The following LDB3 variants were observed in gnomAD, a reference collection of about 807,000 sequenced individuals.
LDB3 encodes LIM domain binding 3.
A neutral mutation model predicts 69.0 loss-of-function variants in LDB3; 49 were observed. The ratio of observed to expected loss-of-function variants is 0.71; its 90% CI spans 0.56 to 0.90. The LOEUF (loss-of-function observed/expected upper bound fraction) is 0.90. Among genes scored for constraint, LDB3 ranks in the 40% least tolerant of loss-of-function variants. The probability of loss-of-function intolerance (pLI) is 0.00; values close to 1 mark genes in which losing one functional copy is unlikely to be tolerated. For synonymous variants in LDB3, 387 were observed against 396.2 expected (o/e 0.98, Z 0.28); for missense variants, 928 against 974.1 (o/e 0.95, Z 0.63).
chr10:86,722,306 G>C (rs751284578), intron 12 of LDB3, among the ~76,000 whole-genome samples: 6 of 152,334 alleles, frequency 3.9e-5, no homozygotes, highest in Non-Finnish European at 1.5e-5. Context: ...TGTTGCCCAG[G>C]CTGGAGTGCA....
At position 86,699,205 on chromosome 10, in the gene LDB3, CCT is replaced by C. The variant is rs1846142746; in HGVS notation, c.896+6639_896+6640del. On this transcript the variant is annotated intron_variant, in intron 7 of 13. Transcript: ENST00000361373. The surrounding 1 kb of genome is among the most constrained non-coding windows in gnomAD (Gnocchi z 4.9). ...ACATTCCCTAACCCCTTTCATTCTC[CCT>C]CTCTTCTCTCTCTTTCTGTCTCTGT... 1.3e-6 allele frequency: 2 copies of C among 1,572,976 alleles called. No individual in the cohort carries two copies. Among genetic ancestry groups the C allele is most frequent in the South Asian group, 1.1e-5 (1 of 89,976 alleles).
chr10:86,692,176 G>T (rs1395833643), intron 6 of LDB3, 111 bp downstream of exon 6: 1 of 1,289,562 alleles, frequency 7.8e-7, no homozygotes, highest in African/African-American at 1.5e-5. Flanking sequence ...GCCCTTGAAG[G>T]TGGGCCAGGC....
chr10:86,684,415 G>C (rs1845344605), intron 5 of LDB3, among the ~76,000 whole-genome samples: 1 of 152,260 alleles, frequency 6.6e-6, no homozygotes, highest in Admixed American at 6.5e-5. Flanking sequence ...ACCCCGCCAG[G>C]CCAACACTGC....
intron 7 of LDB3, among the ~76,000 whole-genome samples, chr10:86,693,113 G>A (rs1324877256): frequency 6.6e-6 from 1 of 152,182 alleles, no homozygotes; most frequent in East Asian, 1.9e-4. Context: ...CTGGACATGA[G>A]GATGGGTTTG....
chr10:86,698,743 G>A (rs184484169), intron 7 of LDB3, among the ~76,000 whole-genome samples: 52 of 152,310 alleles, frequency 3.4e-4, no homozygotes, highest in Non-Finnish European at 5.7e-4. Flanking sequence ...TCTGGGGACA[G>A]TGAGGCTTTT....
intron 9 of LDB3, among the ~76,000 whole-genome samples, chr10:86,711,268 G>C (rs893911188): frequency 6.6e-6 from 1 of 152,164 alleles, no homozygotes; most frequent in Non-Finnish European, 1.5e-5. Flanking sequence ...CCCGCCAGGC[G>C]GCGTCAGGGC....
chr10:86,717,005 G>A (rs1202379837), intron 10 of LDB3, among the ~76,000 whole-genome samples: 2 of 152,230 alleles, frequency 1.3e-5, no homozygotes, highest in African/African-American at 2.4e-5. Flanking sequence ...GTATGTGGGT[G>A]AAGCTCCAGC....
At chr10:86,686,969 C>T in intron 5 of LDB3, 1 of 1,060,296 alleles carries the variant, frequency 9.4e-7, no homozygotes, top group Non-Finnish European at 1.5e-6. Flanking sequence ...TCTCTCGACA[C>T]CCACCGCGCC....
chr10:86,718,343 T>A (rs1481978904), intron 11 of LDB3, among the ~76,000 whole-genome samples, 199 bp downstream of exon 11: 1 of 152,234 alleles, frequency 6.6e-6, no homozygotes, highest in African/African-American at 2.4e-5. Flanking sequence ...GTGTGCCTGT[T>A]CCACACAGCT....
intron 7 of LDB3, among the ~76,000 whole-genome samples, chr10:86,697,798 C>A (rs1221238652): frequency 6.6e-6 from 1 of 151,276 alleles, no homozygotes; most frequent in Non-Finnish European, 1.5e-5. Context: ...GTGATCTGCC[C>A]ACCTCAGCCT....
Position 86,699,919 on chromosome 10 carries a change from A to C in LDB3, c.897-6612A>C. On this transcript the variant is annotated intron_variant, in intron 7 of 13. Coordinates refer to ENST00000361373, the MANE Select transcript of LDB3 (RefSeq NM_007078.3). This position sits in a 1 kb window ranked among gnomAD's most constrained non-coding sequence, Gnocchi z 4.9. ...GAAGCCCCAGGGTAATGAGGCAGAG[A>C]CCCCTCCTGGCAGTGGTGAGGTGGG... 1.0e-6 allele frequency: 1 copy of C among 1,001,596 alleles called. No individual in the cohort carries two copies. Among genetic ancestry groups the C allele is most frequent in the East Asian group, 9.9e-5 (1 of 10,102 alleles). The allele number at this position is 1,001,596 out of a possible 1,614,324, so 62.0% of individuals were successfully genotyped here.
chr10:86,692,375 T>C (rs1171018417), intron 6 of LDB3, among the ~76,000 whole-genome samples, 160 bp from the exon 7 acceptor site: 1 of 150,478 alleles, frequency 6.6e-6, no homozygotes, highest in Non-Finnish European at 1.5e-5. Context: ...TCTTTCCCAA[T>C]GTCCTCTGGG....
intron 2 of LDB3, among the ~76,000 whole-genome samples, chr10:86,675,008 G>A (rs1844709014): frequency 6.6e-6 from 1 of 152,156 alleles, no homozygotes; most frequent in Non-Finnish European, 1.5e-5. Flanking sequence ...CCCACCCTGA[G>A]GGATGTTGGA....
Position 86,696,707 on chromosome 10 carries a change from A to C in LDB3, c.896+4136A>C, listed in dbSNP as rs1290717543. 1.3e-4 allele frequency among the ~76,000 whole-genome samples: 20 copies of C among 152,234 alleles called. No individual in the cohort carries two copies. The East Asian group carries it at 3.7e-3, about 28-fold the overall frequency. On this transcript the variant is annotated intron_variant, in intron 7 of 13. Transcript: ENST00000361373. The stretch of plus-strand genomic sequence containing the variant: ...CTGTGTCCTCGGTAGTGTCTACGGG[A>C]TGGTCAGGACTGTTTGTAGTGCTGT...
intron 9 of LDB3, among the ~76,000 whole-genome samples, chr10:86,714,135 T>A (rs560568866): frequency 5.3e-5 from 8 of 152,266 alleles, no homozygotes; most frequent in Non-Finnish European, 1.2e-4. Flanking sequence ...ATAATAACCT[T>A]GTGAGATACT....
At chr10:86,716,832 C>T in intron 10 of LDB3, 61 bp downstream of exon 10, 1 of 1,521,464 alleles carries the variant, frequency 6.6e-7, no homozygotes, top group Non-Finnish European at 8.9e-7. Flanking sequence ...GGGGTGCTTG[C>T]CCACAGTCTG....
intron 7 of LDB3, among the ~76,000 whole-genome samples, chr10:86,706,066 A>G (rs1175121198): frequency 1.3e-5 from 2 of 152,184 alleles, no homozygotes; most frequent in African/African-American, 4.8e-5. Context: ...TCCAGAGCCT[A>G]AGCCCTTGAC....
intron 2 of LDB3, among the ~76,000 whole-genome samples, chr10:86,673,206 T>C (rs918347813): frequency 1.3e-5 from 2 of 152,204 alleles, no homozygotes; most frequent in African/African-American, 4.8e-5. Context: ...CAAATGGAAC[T>C]GTGGACCTGG....
chr10:86,699,609 C>A lies in LDB3; in HGVS notation c.897-6922C>A. Reference sequence around the variant, plus strand: ...CCTCCCCAGGGCAACCCTCGCCACCCCCCAAATAGCCCGTAGCCCAATCCC... The same window carrying A: ...CCTCCCCAGGGCAACCCTCGCCACCACCCAAATAGCCCGTAGCCCAATCCC... On this transcript the variant is annotated intron_variant, in intron 7 of 13. Coordinates refer to ENST00000361373, the MANE Select transcript of LDB3 (RefSeq NM_007078.3). The surrounding 1 kb of genome is among the most constrained non-coding windows in gnomAD (Gnocchi z 4.9). 2 of 1,389,116 alleles carry A rather than the reference C, an allele frequency of 1.4e-6. No homozygotes were observed. Among genetic ancestry groups the A allele is most frequent in the Admixed American group, 2.9e-5 (1 of 34,630 alleles). 86.0% of individuals were successfully genotyped at this position (1,389,116 alleles called of 1,614,324 possible). A position where few individuals can be genotyped will look rare whatever the true frequency, so the allele number is the denominator to read the frequency against.
Sources: gnomAD v4.1 joint callset for allele counts (sites outside exome capture counted in the v4.1 genomes callset) on GRCh38, gnomAD v4.1.1 for gene constraint, Gnocchi (gnomAD v3.1) non-coding constraint, MANE v1.5 for transcripts, NCBI Gene and HGNC (gene_info 2026-07-23, HGNC 2026-07-21) for gene names.